The following MYO1F variants were observed in gnomAD, a reference collection of about 807,000 sequenced individuals.
The protein encoded by MYO1F is myosin IF.
In MYO1F, 60 loss-of-function variants were observed where a neutral mutation model predicts 146.6. That is an observed-to-expected ratio of 0.41 (90% CI 0.33 to 0.51). The LOEUF is 0.51. Ranked by LOEUF, MYO1F falls within the 20% of genes least tolerant of loss-of-function variation. The pLI, the probability that MYO1F is intolerant of heterozygous loss-of-function variation, is 0.25. For synonymous variants in MYO1F, 602 were observed against 602.1 expected, an observed-to-expected ratio of 1.00 and a Z score of 0.00; for missense variants, 1,274 against 1,534.3, an observed-to-expected ratio of 0.83 and a Z score of 2.83.
At position 8,525,500 on chromosome 19, in the gene MYO1F, C is replaced by T. The variant is rs766767699; in HGVS notation, c.2833G>A (p.Ala945Thr). ...TCACCTCTGGGGGGCGCAGGGGCCG[C>T]CCGGGTAGGGGCTTGGGACGACCTC... ...PRRSSQAPTR[A>T]APAPPRGMDR... is the part of the protein sequence containing the mutation. Residue 945 changes from alanine to threonine, a missense_variant, in exon 25 of 28, where the codon GCG becomes ACG. Physicochemically the swap from Ala to Thr is moderately conservative, Grantham distance 58. Coordinates refer to ENST00000644032, the MANE Select transcript of MYO1F (RefSeq NM_012335.4). 5 of 1,613,358 alleles carry T rather than the reference C, an allele frequency of 3.1e-6. No individual in the cohort carries two copies. In the African/African-American group the frequency reaches 4.0e-5, roughly 13 times the overall value.
Position 8,552,208 on chromosome 19 carries a change from G to A in MYO1F, c.505-44C>T, listed in dbSNP as rs1429888056. ...TGTCAGCACCCCAGTGTCCTGGGGT[G>A]CAGGTGGGGGAAGGGTTGGGGATGG... On this transcript the variant is annotated intron_variant, in intron 6 of 27. Transcript: ENST00000644032. The A allele has an allele frequency of 1.9e-6, 3 of 1,612,456 alleles. No homozygotes were observed. In the Admixed American group the frequency reaches 5.0e-5, roughly 27 times the overall value.
chr19:8,564,756 G>A (rs1205961321), intron 1 of MYO1F, among the ~76,000 whole-genome samples: 7 of 151,242 alleles, frequency 4.6e-5, no homozygotes. Context: ...GGTCAGGGGA[G>A]CCCGTGTTTC....
At chr19:8,567,982 C>G (rs2042036618) in intron 1 of MYO1F, among the ~76,000 whole-genome samples, 1 of 152,234 alleles carries the variant, frequency 6.6e-6, no homozygotes, top group Admixed American at 6.5e-5. Context: ...TCCTGGCTCT[C>G]CCGGCTCTGA....
intron 1 of MYO1F, among the ~76,000 whole-genome samples, chr19:8,571,749 C>A (rs1205827637): frequency 1.3e-5 from 2 of 152,122 alleles, no homozygotes; most frequent in African/African-American, 2.4e-5. Context: ...AGGCACCCGC[C>A]ACCACGCCTG....
chr19:8,553,770 G>T (rs1174237414), intron 4 of MYO1F, among the ~76,000 whole-genome samples: 1 of 151,766 alleles, frequency 6.6e-6, no homozygotes, highest in Non-Finnish European at 1.5e-5. Flanking sequence ...CACTCAGGAG[G>T]CTGAGGCAGG....
At chr19:8,546,660 C>G (rs529815277) in intron 12 of MYO1F, among the ~76,000 whole-genome samples, 1 of 151,724 alleles carries the variant, frequency 6.6e-6, no homozygotes, top group Non-Finnish European at 1.5e-5. Flanking sequence ...GTGTCTGGCT[C>G]GGTCTGTCTC....
chr19:8,526,008 C>T (rs1322211329), intron 24 of MYO1F, among the ~76,000 whole-genome samples: 1 of 152,082 alleles, frequency 6.6e-6, no homozygotes, highest in Admixed American at 6.6e-5. Flanking sequence ...TTCACGCCCA[C>T]TAATTGGTTG....
intron 12 of MYO1F, among the ~76,000 whole-genome samples, chr19:8,547,396 G>A (rs148478420): frequency 7.9e-4 from 119 of 151,342 alleles, no homozygotes; most frequent in African/African-American, 2.8e-3. Context: ...ACGAGGTCAG[G>A]AGTTTGAGAC....
Position 8,522,486 on chromosome 19 carries a change from G to A in MYO1F, c.3111C>T (p.Pro1037=). 1 of 1,613,896 alleles carries A rather than the reference G, an allele frequency of 6.2e-7. No individual in the cohort carries two copies. Among genetic ancestry groups the A allele is most frequent in the Non-Finnish European group, 8.5e-7 (1 of 1,179,974 alleles). Residue 1037 remains proline, a synonymous_variant, in exon 27 of 28, where the codon CCC becomes CCT. Coordinates refer to ENST00000644032, the MANE Select transcript of MYO1F (RefSeq NM_012335.4). ...ACCTGGGACCATGTGTCCGAGGCTG[G>A]GGCTTGGGTCGGCCCACACCAGGCA... ...RPVPGVGRPK[P]QPRTHGPRCR... is the part of the protein sequence containing the mutation.
intron 2 of MYO1F, chr19:8,555,387 A>G (rs1356216092): frequency 2.7e-6 from 1 of 365,188 alleles, no homozygotes; most frequent in African/African-American, 2.2e-5. Context: ...AAAAAAAAAA[A>G]AAAAAAAAAA....
chr19:8,574,595 C>CTTTCTT (rs1468192753), intron 1 of MYO1F, among the ~76,000 whole-genome samples: 2 of 105,872 alleles, frequency 1.9e-5, no homozygotes, highest in Non-Finnish European at 3.8e-5. Context: ...CTCTCTCTCT[C>CTTTCTT]TCTTTCTTTC....
intron 1 of MYO1F, among the ~76,000 whole-genome samples, chr19:8,568,565 TTGAC>T (rs2042052189): frequency 6.6e-6 from 1 of 152,030 alleles, no homozygotes; most frequent in Non-Finnish European, 1.5e-5. Context: ...GGCTTGACAG[TTGAC>T]TGACTGTGTG....
At chr19:8,572,284 CTG>C (rs1205113766) in intron 1 of MYO1F, among the ~76,000 whole-genome samples, 1 of 150,994 alleles carries the variant, frequency 6.6e-6, no homozygotes, top group Non-Finnish European at 1.5e-5. Flanking sequence ...TTTTTCCCCT[CTG>C]AGACAGAGTC....
At chr19:8,561,385 C>T (rs1354008139) in intron 1 of MYO1F, among the ~76,000 whole-genome samples, 9 of 113,682 alleles carry the variant, frequency 7.9e-5, no homozygotes, top group Non-Finnish European at 1.1e-4. Context: ...TCCCTTCCCC[C>T]CTTCTTTCCT....
intron 1 of MYO1F, among the ~76,000 whole-genome samples, chr19:8,570,831 C>T (rs950984374): frequency 1.4e-4 from 22 of 152,132 alleles, no homozygotes; most frequent in African/African-American, 5.3e-4. Flanking sequence ...ATAGTGTGGC[C>T]TTGGGAGTCA....
In MYO1F at chr19:8,553,039, C is replaced by G; in HGVS notation, c.504+100G>C. 4.3e-6 allele frequency: 5 copies of G among 1,168,282 alleles called. No individual in the cohort carries two copies. The South Asian group carries it at 6.1e-5, about 14-fold the overall frequency. The allele number at this position is 1,168,282 out of a possible 1,614,324, so 72.4% of individuals were successfully genotyped here. A position where few individuals can be genotyped will look rare whatever the true frequency, so the allele number is the denominator to read the frequency against. ...TATTTCCTGCTGGGTTTTCAATGGA[C>G]TCTTGTCTTGGCAATACGGGTGTGT... On this transcript the variant is annotated intron_variant, in intron 6 of 27. Coordinates refer to ENST00000644032, the MANE Select transcript of MYO1F (RefSeq NM_012335.4).
chr19:8,535,872 G>A (rs1043369760), intron 19 of MYO1F, among the ~76,000 whole-genome samples: 1 of 151,712 alleles, frequency 6.6e-6, no homozygotes, highest in Non-Finnish European at 1.5e-5. Context: ...TAGTAGAGAC[G>A]CGGTTTCACT....
chr19:8,567,694 G>T (rs2145973808), intron 1 of MYO1F, among the ~76,000 whole-genome samples: 1 of 152,332 alleles, frequency 6.6e-6, no homozygotes, highest in Non-Finnish European at 1.5e-5. Flanking sequence ...ACAGCACAGA[G>T]AGGTTAAGTG....
chr19:8,544,413 C>T lies in MYO1F; in HGVS notation c.1408G>A (p.Ala470Thr), dbSNP rs1879142887. 2.5e-6 allele frequency: 4 copies of T among 1,612,812 alleles called. No individual in the cohort carries two copies. The highest frequency in any genetic ancestry group is 1.3e-5 in the African/African-American group (1 of 74,992). The change falls in exon 14 of 28, where the codon GCC (alanine) becomes ACC (threonine). Residue 470 changes from alanine (A) to threonine (T), a missense_variant. By Grantham distance (58) the Ala-to-Thr change is moderately conservative. This residue lies in a region of MYO1F where 900 missense variants were observed against 1,155.1 expected (regional missense o/e 0.78). Transcript: ENST00000644032. ...GTCTGGTCTGCTCCCCCGCCCGTGG[C>T]GTGCATGGTGGCGCACACGTCGTCC... ...VLDDVCATMH[A>T]TGGGADQTLL...
Sources: allele counts gnomAD v4.1 joint callset (sites outside exome capture counted in the v4.1 genomes callset), GRCh38; gene constraint gnomAD v4.1.1; regional missense constraint gnomAD v4.1.1; transcripts MANE v1.5; gene names NCBI Gene and HGNC (gene_info 2026-07-23, HGNC 2026-07-21).